The following STK40 variants were observed in gnomAD, a reference collection of about 807,000 sequenced individuals.
STK40 encodes serine/threonine-protein kinase 40.
Under a neutral mutation model 47.9 loss-of-function variants are expected in STK40, and 13 were observed. That is an observed-to-expected ratio of 0.27 (90% CI 0.18 to 0.43). STK40 has a LOEUF of 0.43. Among genes scored for constraint, STK40 ranks in the 20% least tolerant of loss-of-function variants. The pLI, the probability that STK40 is intolerant of heterozygous loss-of-function variation, is 1.00. For synonymous variants in STK40, 225 were observed against 243.2 expected (o/e 0.93, Z 0.69); for missense variants, 460 against 595.1 (o/e 0.77, Z 2.36).
In STK40 at chr1:36,355,302, G is replaced by A. The variant is rs781757081; in HGVS notation, c.474C>T (p.Asn158=). 1 of 1,614,032 alleles carries A rather than the reference G, an allele frequency of 6.2e-7. No individual in the cohort carries two copies. Among genetic ancestry groups the A allele is most frequent in the Admixed American group, 1.7e-5 (1 of 59,998 alleles). The change falls in exon 5 of 11, where the codon AAC becomes AAT. Residue 158 remains asparagine, a synonymous_variant. Transcript: ENST00000373132. ...TCTCCTTGATGACGTAGTGCTGCAGGTTGATGAGGTCAGCGGTCTTATCGC... is the reference window on the plus strand; with the variant it reads ...TCTCCTTGATGACGTAGTGCTGCAGATTGATGAGGTCAGCGGTCTTATCGC... The part of the protein sequence containing the change: ...DFSDKTADLI[N]LQHYVIKEKR...
chr1:36,344,095 C>G lies in STK40; in HGVS notation c.884+25G>C, dbSNP rs750122460. ...AAGCCCATCAGGCTGGCTGCCCCCC[C>G]CACCCCCCGGGAGGCAGGACTCACT... On this transcript the variant is annotated intron_variant, in intron 8 of 10. Coordinates refer to ENST00000373132, the MANE Select transcript of STK40 (RefSeq NM_001282547.2). 6.9e-6 allele frequency: 11 copies of G among 1,585,874 alleles called. No homozygotes were observed. In the East Asian group the frequency reaches 1.3e-4, roughly 19 times the overall value.
In STK40 at chr1:36,341,513, T is replaced by C. The variant is rs547730809; in HGVS notation, c.*242A>G. On this transcript the variant is annotated 3_prime_UTR_variant, in exon 11 of 11. Transcript: ENST00000373132. ...CAGAGGTAGATTAAAACATCGTGAT[T>C]AAAAGCAGATTAGTTATCTAGGCTT... The C allele has an allele frequency of 2.4e-4, 135 of 558,964 alleles. No homozygotes were observed. Among genetic ancestry groups the C allele is most frequent in the African/African-American group, 2.3e-3 (122 of 53,132 alleles). The allele number at this position is 558,964 out of a possible 1,614,324, so 34.6% of individuals were successfully genotyped here.
chr1:36,377,699 G>A (rs1053034103), intron 1 of STK40, among the ~76,000 whole-genome samples: 7 of 152,184 alleles, frequency 4.6e-5, no homozygotes, highest in African/African-American at 1.7e-4. Flanking sequence ...GTGAGAGGCA[G>A]AAGGACAAAG....
At chr1:36,379,281 CT>C (rs1317209976) in intron 1 of STK40, among the ~76,000 whole-genome samples, 1 of 152,154 alleles carries the variant, frequency 6.6e-6, no homozygotes, top group African/African-American at 2.4e-5. Context: ...TTTCCAACAA[CT>C]AGAGTTCCTT....
intron 1 of STK40, among the ~76,000 whole-genome samples, chr1:36,385,088 C>T (rs761638743): frequency 2.4e-4 from 36 of 152,238 alleles, no homozygotes; most frequent in Non-Finnish European, 1.2e-4. Flanking sequence ...ATGTCCCTAC[C>T]TAACTGGCTG....
intron 4 of STK40, 40 bp downstream of exon 4, chr1:36,358,199 C>G: frequency 6.5e-7 from 1 of 1,534,984 alleles, no homozygotes; most frequent in Non-Finnish European, 8.9e-7. Flanking sequence ...ACAGAGCCAG[C>G]CAGAGGTGAG....
intron 1 of STK40, among the ~76,000 whole-genome samples, chr1:36,378,732 C>T (rs1014571783): frequency 2.6e-5 from 4 of 152,220 alleles, no homozygotes; most frequent in South Asian, 2.1e-4. Context: ...GTTGAGATTA[C>T]AGGCGTGAGC....
chr1:36,345,998 T>A (rs1250531683), intron 7 of STK40, among the ~76,000 whole-genome samples: 9 of 99,324 alleles, frequency 9.1e-5, no homozygotes, highest in East Asian at 6.9e-4. Context: ...TATATTTTTT[T>A]TTTTTTTTTT....
intron 1 of STK40, among the ~76,000 whole-genome samples, chr1:36,377,123 GGGGA>G (rs1212102079): frequency 6.6e-6 from 1 of 152,104 alleles, no homozygotes; most frequent in Non-Finnish European, 1.5e-5. Context: ...GGCCCAAGGA[GGGGA>G]GGGAGAGCTT....
In STK40 at chr1:36,352,865, C is replaced by A. The variant is rs568411344; in HGVS notation, c.623+1499G>T. Among the ~76,000 whole-genome samples, 3 of 152,344 alleles carry A rather than the reference C, an allele frequency of 2.0e-5. No homozygotes were observed. In the South Asian group the frequency reaches 6.2e-4, roughly 32 times the overall value. The stretch of plus-strand genomic sequence containing the variant: ...CCACTGAGCGTTTCTGTCTGCAGCC[C>A]CAGCACCAGGTGGTGCTAGTCGAAG... On this transcript the variant is annotated intron_variant, in intron 6 of 10. Transcript: ENST00000373132.
At chr1:36,376,731 C>A (rs1245048879) in intron 1 of STK40, among the ~76,000 whole-genome samples, 1 of 151,942 alleles carries the variant, frequency 6.6e-6, no homozygotes, top group Non-Finnish European at 1.5e-5. Flanking sequence ...AATATATGTA[C>A]AACATAATCC....
rs1557513872 is a variant in STK40, at chr1:36,358,344, C to T, written c.237G>A (p.Glu79=). ...TLEERGDQGI[E]SQEERQGKML... ...TCTTGCCCTGCCGCTCTTCCTGGCT[C>T]TCTATGCCTTGGTCCCCCCTCTCCT... The change falls in exon 4 of 11, where the codon GAG becomes GAA. Residue 79 remains glutamate (E), a synonymous_variant. Transcript: ENST00000373132. The T allele has an allele frequency of 6.2e-7, 1 of 1,608,910 alleles. No individual in the cohort carries two copies. The highest frequency in any genetic ancestry group is 1.3e-5 in the African/African-American group (1 of 74,992).
intron 1 of STK40, among the ~76,000 whole-genome samples, chr1:36,372,409 G>C (rs1403878171): frequency 8.1e-6 from 1 of 123,932 alleles, no homozygotes; most frequent in Non-Finnish European, 1.6e-5. Flanking sequence ...GGGGGACAGA[G>C]TGAGACCTTG....
chr1:36,344,081 G>A (rs1451779178), intron 8 of STK40, 39 bp downstream of exon 8: 2 of 1,600,698 alleles, frequency 1.2e-6, no homozygotes, highest in Non-Finnish European at 1.7e-6. Context: ...AGCCCATCAG[G>A]CTGGCTGCCC....
At chr1:36,351,696 G>A (rs182108770) in intron 6 of STK40, among the ~76,000 whole-genome samples, 6 of 152,126 alleles carry the variant, frequency 3.9e-5, no homozygotes, top group East Asian at 1.9e-4. Flanking sequence ...CTACAGCCAC[G>A]CCGGCGTATG....
At chr1:36,378,784 C>T (rs1200236767) in intron 1 of STK40, among the ~76,000 whole-genome samples, 1 of 151,998 alleles carries the variant, frequency 6.6e-6, no homozygotes, top group East Asian at 1.9e-4. Context: ...GGTTTCCTTC[C>T]TGTTTTTTCA....
intron 1 of STK40, among the ~76,000 whole-genome samples, chr1:36,375,662 G>A (rs1646986275): frequency 6.6e-6 from 1 of 152,190 alleles, no homozygotes; most frequent in South Asian, 2.1e-4. Flanking sequence ...TGTGAGAAAG[G>A]CAGTCTGGAC....
At chr1:36,369,572 G>A (rs981407010) in intron 1 of STK40, among the ~76,000 whole-genome samples, 2 of 152,156 alleles carry the variant, frequency 1.3e-5, no homozygotes, top group Non-Finnish European at 2.9e-5. Context: ...TCCCTGGTTG[G>A]CACATCCTTC....
At chr1:36,348,664 G>C (rs1347664045) in intron 7 of STK40, 36 bp downstream of exon 7, 2 of 1,559,638 alleles carry the variant, frequency 1.3e-6, no homozygotes, top group East Asian at 2.4e-5. Flanking sequence ...TGGCTGTATT[G>C]AGCTTAGAGG....
Sources: gnomAD v4.1 joint callset for allele counts (sites outside exome capture counted in the v4.1 genomes callset) on GRCh38, gnomAD v4.1.1 for gene constraint, MANE v1.5 for transcripts, NCBI Gene and HGNC (gene_info 2026-07-23, HGNC 2026-07-21) for gene names.